Variants in DRICH1 observed in about 807,000 individuals in gnomAD.
DRICH1 encodes aspartate rich 1, also known as aspartate-rich protein 1.
A neutral mutation model predicts 39.5 loss-of-function variants in DRICH1; 38 were observed. That is an observed-to-expected ratio of 0.96 (90% CI 0.74 to 1.26). The LOEUF (loss-of-function observed/expected upper bound fraction) is 1.26, where lower values mean the gene tolerates loss of function less well. Ranked by LOEUF, DRICH1 falls within the 50% of genes most tolerant of loss-of-function variation. The pLI is 0.00. For synonymous variants in DRICH1, 84 were observed against 99.5 expected (o/e 0.84, Z 0.93); for missense variants, 279 against 270.4 (o/e 1.03, Z -0.22).
chr22:23,616,732 G>A (rs944109544), intron 8 of DRICH1, 121 bp downstream of exon 8: 22 of 1,317,676 alleles, frequency 1.7e-5, no homozygotes, highest in Admixed American at 3.5e-5. Context: ...CTATACACTT[G>A]CAGAATCATT....
At chr22:23,589,866 T>G in the DRICH1 span, among the ~76,000 whole-genome samples, 1 of 152,194 alleles carries the variant, frequency 6.6e-6, no homozygotes, top group African/African-American at 2.4e-5. Flanking sequence ...ATTACATGGC[T>G]GTAGTTTGCA....
chr22:23,595,629 A>G, the DRICH1 span, among the ~76,000 whole-genome samples: 7 of 152,334 alleles, frequency 4.6e-5, no homozygotes, highest in African/African-American at 1.7e-4. Flanking sequence ...ATAAACAGAC[A>G]CACATTTTCC....
chr22:23,624,988 C>T (rs1210882003), intron 2 of DRICH1, 84 bp from the exon 3 acceptor site: 69 of 1,446,772 alleles, frequency 4.8e-5, no homozygotes, highest in Non-Finnish European at 5.7e-5. Context: ...CTCTTGATGA[C>T]TTCAGAAAAC....
chr22:23,600,869 T>G, the DRICH1 span, among the ~76,000 whole-genome samples: 2 of 151,992 alleles, frequency 1.3e-5, no homozygotes, highest in African/African-American at 4.8e-5. Context: ...AGACGGGGTT[T>G]CACCGTGTTA....
At chr22:23,613,788 C>A in intron 9 of DRICH1, 128 bp from the exon 10 acceptor site, 1 of 678,624 alleles carries the variant, frequency 1.5e-6, no homozygotes, top group Non-Finnish European at 2.5e-6. Context: ...AGGTCAAAGT[C>A]CCCCAAAGAC....
intron 1 of DRICH1, among the ~76,000 whole-genome samples, chr22:23,627,777 C>T (rs1357097896): frequency 6.6e-6 from 1 of 152,190 alleles, no homozygotes; most frequent in Admixed American, 6.5e-5. Context: ...GACCCTGACT[C>T]AGAAACTGGG....
intron 1 of DRICH1, among the ~76,000 whole-genome samples, chr22:23,628,687 C>T (rs1928217141): frequency 6.6e-6 from 1 of 152,188 alleles, no homozygotes; most frequent in African/African-American, 2.4e-5. Flanking sequence ...AGTCATCTGT[C>T]CCAGCCCCAG....
chr22:23,614,061 A>G (rs1390421371), intron 9 of DRICH1, 74 bp downstream of exon 9: 5 of 1,038,844 alleles, frequency 4.8e-6, no homozygotes, highest in Non-Finnish European at 7.5e-6. Context: ...AGATTTTCAT[A>G]TCAAAATTAA....
At chr22:23,609,727 G>T (rs1004287091) in intron 11 of DRICH1, among the ~76,000 whole-genome samples, 1 of 152,104 alleles carries the variant, frequency 6.6e-6, no homozygotes, top group Non-Finnish European at 1.5e-5. Flanking sequence ...TCAGATTCAG[G>T]ACTAATCTCA....
At chr22:23,611,665 C>A (rs891658674) in intron 11 of DRICH1, among the ~76,000 whole-genome samples, 5 of 152,056 alleles carry the variant, frequency 3.3e-5, no homozygotes, top group African/African-American at 9.7e-5. Context: ...TAACTACAGC[C>A]ATATGTAGCA....
chr22:23,583,264 C>G, the DRICH1 span: 1 of 152,222 alleles, frequency 6.6e-6, no homozygotes, highest in Non-Finnish European at 1.5e-5. Flanking sequence ...GGTATTTCCC[C>G]AGCGGCTGAT....
chr22:23,583,636 A>T, the DRICH1 span, among the ~76,000 whole-genome samples: 3 of 152,280 alleles, frequency 2.0e-5, no homozygotes, highest in Admixed American at 2.0e-4. Context: ...CATGCCAGAC[A>T]GCTCCCGATC....
rs1302013467 is a variant in DRICH1, at chr22:23,617,785, G to A, written c.437-128C>T. 5.4e-6 allele frequency: 5 copies of A among 926,356 alleles called. No individual in the cohort carries two copies. The East Asian group carries it at 7.4e-5, about 14-fold the overall frequency. The allele number at this position is 926,356 out of a possible 1,614,324, so 57.4% of individuals were successfully genotyped here. A position where few individuals can be genotyped will look rare whatever the true frequency, so the allele number is the denominator to read the frequency against. On this transcript the variant is annotated intron_variant, in intron 6 of 11. Transcript: ENST00000317749. ...ACATGGACTGGTTAATGCTGGAAGA[G>A]GGATGGCAGAGGAGGGGAGCAGGCA...
At position 23,624,838 on chromosome 22, in the gene DRICH1, T is replaced by C. The variant is rs768372169; in HGVS notation, c.298+45A>G. ...GATTAAGGTTTCTATATATTAAAGC[T>C]AGCAAGTTTGTTTCTCAGAAAGTGA... is the stretch of plus-strand genomic sequence containing the variant. On this transcript the variant is annotated intron_variant, in intron 3 of 11. Transcript: ENST00000317749. 2.7e-5 allele frequency: 43 copies of C among 1,599,772 alleles called. 1 individual carries two copies. The highest frequency in any genetic ancestry group is 9.9e-5 in the South Asian group (9 of 90,752).
intron 10 of DRICH1, 92 bp from the exon 11 acceptor site, chr22:23,613,422 A>G (rs974513112): frequency 7.4e-5 from 81 of 1,094,506 alleles, no homozygotes; most frequent in Non-Finnish European, 1.1e-4. Flanking sequence ...GTGATGAGCT[A>G]GTCTCCCACT....
At chr22:23,626,451 C>A (rs1340014473) in intron 1 of DRICH1, among the ~76,000 whole-genome samples, 1 of 152,300 alleles carries the variant, frequency 6.6e-6, no homozygotes, top group East Asian at 1.9e-4. Context: ...TCCAAAGGAA[C>A]AAGTCAGACT....
intron 1 of DRICH1, among the ~76,000 whole-genome samples, chr22:23,630,412 A>ACTCT (rs35643033): frequency 6.6e-6 from 1 of 151,024 alleles, no homozygotes; most frequent in South Asian, 2.1e-4. Flanking sequence ...TCCTTTCCAC[A>ACTCT]CTCTCTCTCT....
the DRICH1 span, among the ~76,000 whole-genome samples, chr22:23,585,614 C>T: frequency 6.6e-6 from 1 of 152,032 alleles, no homozygotes; most frequent in African/African-American, 2.4e-5. Context: ...AACTCCTAGG[C>T]TCAAGTGATC....
the DRICH1 span, chr22:23,583,338 G>A: frequency 2.0e-5 from 3 of 152,142 alleles, no homozygotes; most frequent in African/African-American, 2.4e-5. Context: ...ACGCCCCCGG[G>A]TGTGTCCCTG....
Sources: gnomAD v4.1 joint callset for allele counts (sites outside exome capture counted in the v4.1 genomes callset) on GRCh38, gnomAD v4.1.1 for gene constraint, MANE v1.5 for transcripts, NCBI Gene and HGNC (gene_info 2026-07-23, HGNC 2026-07-21) for gene names.